The following ARID3A variants were observed in gnomAD, a reference collection of about 807,000 sequenced individuals.
The protein encoded by ARID3A is AT-rich interaction domain 3A.
Under a neutral mutation model 52.7 loss-of-function variants are expected in ARID3A, and 11 were observed. That is an observed-to-expected ratio of 0.21 (90% confidence interval 0.13 to 0.35). The LOEUF is 0.35. ARID3A is among the 10% of genes least tolerant of loss of function. ARID3A has a pLI of 1.00. For synonymous variants in ARID3A, 404 were observed against 359.4 expected, an observed-to-expected ratio of 1.12 and a Z score of -1.40; for missense variants, 721 against 838.5, an observed-to-expected ratio of 0.86 and a Z score of 1.73.
rs2037559179 is a variant in ARID3A, at chr19:941,746, CG to C, written c.693+9006del. On this transcript the variant is annotated intron_variant, in intron 3 of 8. Coordinates refer to ENST00000263620, the MANE Select transcript of ARID3A (RefSeq NM_005224.3). This position sits in a 1 kb window ranked among gnomAD's most constrained non-coding sequence, Gnocchi z 6.9. ...GGATTACAGGCGTGAGCTGCTGTGCCGGACTGGTCTCTTGTGTTTTGTGTGG... is the reference window on the plus strand; with the variant it reads ...GGATTACAGGCGTGAGCTGCTGTGCCGACTGGTCTCTTGTGTTTTGTGTGG... 6.6e-6 allele frequency among the ~76,000 whole-genome samples: 1 copy of C among 151,400 alleles called. No homozygotes were observed. Among genetic ancestry groups the C allele is most frequent in the African/African-American group, 2.4e-5 (1 of 41,048 alleles).
Position 971,996 on chromosome 19 carries a change from C to A in ARID3A, c.1713C>A (p.Ser571Arg), listed in dbSNP as rs148111495. The change falls in exon 9 of 9, where the codon AGC (serine) becomes AGA (arginine). Residue 571 changes from serine (S) to arginine (R), a missense_variant. Coordinates refer to ENST00000263620, the MANE Select transcript of ARID3A (RefSeq NM_005224.3). ...GCCGGGGAGGAAACACCGGAACCAGCGGCGGCCAGGCTGGGCCAGCGGGGC... is the reference window on the plus strand; with the variant it reads ...GCCGGGGAGGAAACACCGGAACCAGAGGCGGCCAGGCTGGGCCAGCGGGGC... The part of the protein sequence containing the change: ...AGGRGGNTGT[S>R]GGQAGPAGLS... 6.2e-7 allele frequency: 1 copy of A among 1,600,432 alleles called. No individual in the cohort carries two copies. The highest frequency in any genetic ancestry group is 1.7e-5 in the Admixed American group (1 of 57,644).
At chr19:935,524 C>T (rs143930135) in intron 3 of ARID3A, among the ~76,000 whole-genome samples, 2 of 152,312 alleles carry the variant, frequency 1.3e-5, no homozygotes, top group Non-Finnish European at 2.9e-5. Flanking sequence ...GTCGGGTAGG[C>T]TGGAGTGTAG....
chr19:949,252 G>C (rs528133910), intron 3 of ARID3A, among the ~76,000 whole-genome samples: 1 of 152,168 alleles, frequency 6.6e-6, no homozygotes, highest in Admixed American at 6.5e-5. Context: ...CAGCGGCGGC[G>C]TGGGTGCCTG....
At chr19:966,991 C>G in intron 7 of ARID3A, 123 bp downstream of exon 7, 20 of 1,225,346 alleles carry the variant, frequency 1.6e-5, no homozygotes, top group Non-Finnish European at 2.2e-5. Flanking sequence ...GGTGCAGTGG[C>G]TGACATCTGT....
At chr19:931,523 C>T (rs350146) in intron 2 of ARID3A, among the ~76,000 whole-genome samples, 72,302 of 151,158 alleles carry the variant, frequency 0.48, 19,172 homozygotes, top group Non-Finnish European at 0.61. Context: ...GTACAAACAG[C>T]TGCCAATGGC....
chr19:938,285 G>C lies in ARID3A; in HGVS notation c.693+5543G>C, dbSNP rs2037477147. On this transcript the variant is annotated intron_variant, in intron 3 of 8. Transcript: ENST00000263620. This position sits in a 1 kb window ranked among gnomAD's most constrained non-coding sequence, Gnocchi z 4.0. Reference sequence around the variant, plus strand: ...CCCATGTAACTTGCAGATGAGCTCAGAGGTGTAGGAATGACGGCACTAGCC... The same window carrying C: ...CCCATGTAACTTGCAGATGAGCTCACAGGTGTAGGAATGACGGCACTAGCC... 1.3e-5 allele frequency among the ~76,000 whole-genome samples: 2 copies of C among 152,220 alleles called. No homozygotes were observed. The highest frequency in any genetic ancestry group is 2.9e-5 in the Non-Finnish European group (2 of 68,038).
At chr19:930,616 TCTC>T (rs1416978158) in intron 2 of ARID3A, among the ~76,000 whole-genome samples, 1 of 147,074 alleles carries the variant, frequency 6.8e-6, no homozygotes, top group African/African-American at 2.5e-5. Context: ...TTCACACCAT[TCTC>T]CTGCCTCAGC....
chr19:934,897 G>A (rs995716888), intron 3 of ARID3A, among the ~76,000 whole-genome samples: 2 of 152,100 alleles, frequency 1.3e-5, no homozygotes, highest in Admixed American at 6.5e-5. Context: ...CCTGAGCCAC[G>A]GTGCCCAGCC....
At chr19:961,202 G>A (rs1334300577) in intron 4 of ARID3A, among the ~76,000 whole-genome samples, 1 of 152,108 alleles carries the variant, frequency 6.6e-6, no homozygotes, top group Non-Finnish European at 1.5e-5. Context: ...TGCACTTGGG[G>A]CCGTCACAGG....
At chr19:955,430 C>A (rs1427257171) in intron 3 of ARID3A, among the ~76,000 whole-genome samples, 1 of 152,218 alleles carries the variant, frequency 6.6e-6, no homozygotes, top group Non-Finnish European at 1.5e-5. Context: ...AGTGCCCCGG[C>A]CCCACAGGGG....
At chr19:952,798 C>T (rs565403462) in intron 3 of ARID3A, among the ~76,000 whole-genome samples, 1 of 152,220 alleles carries the variant, frequency 6.6e-6, no homozygotes, top group South Asian at 2.1e-4. Context: ...TGCAGACAGG[C>T]GGTTTCTTTA....
At position 968,410 on chromosome 19, in the gene ARID3A, G is replaced by A. The variant is rs537786817; in HGVS notation, c.1501G>A (p.Glu501Lys). The A allele has an allele frequency of 1.1e-5, 18 of 1,611,020 alleles. No individual in the cohort carries two copies. The highest frequency in any genetic ancestry group is 4.5e-5 in the East Asian group (2 of 44,854). Residue 501 changes from glutamate (E) to lysine (K), a missense_variant, in exon 8 of 9, where the codon GAA (glutamate) becomes AAA (lysine). Glu to Lys is a moderately conservative substitution (Grantham distance 56, BLOSUM62 1). This residue lies in a region of ARID3A where 297 missense variants were observed against 343.2 expected (regional missense o/e 0.87). Coordinates refer to ENST00000263620, the MANE Select transcript of ARID3A (RefSeq NM_005224.3). ...ATTTGTTCTTCTTCCCACAGCCTCC[G>A]AAAGCCGCCAGGACTCTGCTGTGAA... ...MSIRINSQAS[E>K]SRQDSAVNLT...
rs977617054 is a variant in ARID3A at position 966,465 on chromosome 19, AAAAAAAAAAAG to A, written c.1199-102_1199-92del. On this transcript the variant is annotated intron_variant, in intron 6 of 8. Transcript: ENST00000263620. The stretch of plus-strand genomic sequence containing the variant: ...AAGAGTGAAACTCCGTCTCAAAAAA[AAAAAAAAAAAG>A]AAAAGAAAAGAAAAAAGAAGGTGCA... 17 of 1,061,972 alleles carry A rather than the reference AAAAAAAAAAAG, an allele frequency of 1.6e-5. No individual in the cohort carries two copies. The African/African-American group carries it at 2.8e-4, about 17-fold the overall frequency. The allele number at this position is 1,061,972 out of a possible 1,614,324, so 65.8% of individuals were successfully genotyped here.
rs145208362 is a variant in ARID3A, at chr19:936,745, G to A, written c.693+4003G>A. On this transcript the variant is annotated intron_variant, in intron 3 of 8. Coordinates refer to ENST00000263620, the MANE Select transcript of ARID3A (RefSeq NM_005224.3). ...TAGTCCCAGCTACTTGGGAGGCTGA[G>A]GCAGGGGAATCACTTGAACTCAGAA... Among the ~76,000 whole-genome samples the A allele has an allele frequency of 6.5e-3, 992 of 152,296 alleles. 10 individuals carry two copies. The highest frequency in any genetic ancestry group is 0.022 in the African/African-American group (894 of 41,570).
chr19:943,500 G>A (rs368686900), intron 3 of ARID3A, among the ~76,000 whole-genome samples: 49 of 152,100 alleles, frequency 3.2e-4, no homozygotes, highest in Middle Eastern at 3.4e-3. Context: ...CCCAGGAGGC[G>A]GAGGCTGCAG....
At chr19:926,883 T>C (rs1370047245) in intron 1 of ARID3A, among the ~76,000 whole-genome samples, 4 of 150,452 alleles carry the variant, frequency 2.7e-5, no homozygotes, top group Non-Finnish European at 4.4e-5. Context: ...CTGGAGGGGT[T>C]CCCCCCCCCA....
chr19:965,933 G>A (rs1034089206), intron 6 of ARID3A, among the ~76,000 whole-genome samples: 6 of 150,826 alleles, frequency 4.0e-5, no homozygotes, highest in Admixed American at 1.3e-4. Context: ...CAGAGGTTGC[G>A]GTGAGCCAAG....
At chr19:943,750 C>G (rs1236849291) in intron 3 of ARID3A, among the ~76,000 whole-genome samples, 2 of 152,216 alleles carry the variant, frequency 1.3e-5, no homozygotes, top group African/African-American at 4.8e-5. Flanking sequence ...TGATGTCAGA[C>G]TTGTGGAGAG....
intron 8 of ARID3A, 94 bp downstream of exon 8, chr19:968,597 ACC>A: frequency 4.9e-6 from 6 of 1,223,080 alleles, no homozygotes; most frequent in Non-Finnish European, 7.1e-6. Flanking sequence ...ACCTGCTTGA[ACC>A]TAGGTGTGCG....
Sources: allele counts gnomAD v4.1 joint callset (sites outside exome capture counted in the v4.1 genomes callset), GRCh38; gene constraint gnomAD v4.1.1; regional missense constraint gnomAD v4.1.1; non-coding constraint Gnocchi (gnomAD v3.1); transcripts MANE v1.5; gene names NCBI Gene and HGNC (gene_info 2026-07-23, HGNC 2026-07-21).